Variants in CHST9 observed in about 807,000 individuals in gnomAD.
CHST9 encodes GalNAc-4-sulfotransferase 2.
Under a neutral mutation model 44.4 loss-of-function variants are expected in CHST9, and 41 were observed. The observed-to-expected ratio is 0.92, with a 90% CI of 0.72 to 1.20. The LOEUF (loss-of-function observed/expected upper bound fraction) is 1.20. CHST9 is among the 50% of genes most tolerant of loss of function. The pLI, the probability that CHST9 is intolerant of heterozygous loss-of-function variation, is 0.00. For synonymous variants in CHST9, 171 were observed against 178.4 expected (o/e 0.96, Z 0.33); for missense variants, 504 against 516.5 (o/e 0.98, Z 0.23).
chr18:26,937,166 T>G (rs376256277), intron 5 of CHST9, among the ~76,000 whole-genome samples: 12 of 152,188 alleles, frequency 7.9e-5, no homozygotes, highest in Non-Finnish European at 1.5e-4. Context: ...ATGTATACTT[T>G]TTTCCCCTCT....
intron 2 of CHST9, among the ~76,000 whole-genome samples, chr18:27,110,093 G>T (rs2058257402): frequency 6.6e-6 from 1 of 151,708 alleles, no homozygotes; most frequent in Non-Finnish European, 1.5e-5. Flanking sequence ...TACTATAAAA[G>T]TGTAAAGATT....
At position 27,109,730 on chromosome 18, in the gene CHST9, CA is replaced by C. The variant is rs1343493117; in HGVS notation, c.121+32958del. Among the ~76,000 whole-genome samples the C allele has an allele frequency of 5.9e-5, 9 of 152,288 alleles. No individual in the cohort carries two copies. The South Asian group carries it at 1.0e-3, about 18-fold the overall frequency. On this transcript the variant is annotated intron_variant, in intron 2 of 5. Transcript: ENST00000618847. Reference sequence around the variant, plus strand: ...CATCACTGCTGCTTCATTTGTCTGACAGGGGCTCCTGGTGAATTATAAAATT... The same window carrying C: ...CATCACTGCTGCTTCATTTGTCTGACGGGGCTCCTGGTGAATTATAAAATT...
intron 4 of CHST9, among the ~76,000 whole-genome samples, chr18:26,976,889 C>G (rs1435036084): frequency 6.6e-6 from 1 of 152,080 alleles, no homozygotes; most frequent in Non-Finnish European, 1.5e-5. Context: ...CTTCTTCAGG[C>G]AGTCTTATGC....
intron 2 of CHST9, among the ~76,000 whole-genome samples, chr18:27,133,720 G>C (rs2058491390): frequency 6.6e-6 from 1 of 152,038 alleles, no homozygotes; most frequent in African/African-American, 2.4e-5. Context: ...GCTGCAGAGA[G>C]AGAAAACTTC....
chr18:26,960,218 A>G (rs547069777), intron 4 of CHST9, among the ~76,000 whole-genome samples: 6 of 152,268 alleles, frequency 3.9e-5, no homozygotes, highest in East Asian at 3.9e-4. Context: ...GGGAGAAGAG[A>G]GCGTAGAAGA....
At chr18:27,000,584 C>T (rs1459866589) in intron 4 of CHST9, among the ~76,000 whole-genome samples, 1 of 151,722 alleles carries the variant, frequency 6.6e-6, no homozygotes, top group Non-Finnish European at 1.5e-5. Flanking sequence ...AAGCCTTTTT[C>T]ATTGTACAGC....
rs531262755 is a variant in CHST9 at position 27,051,473 on chromosome 18, C to T, written c.122-2970G>A. On this transcript the variant is annotated intron_variant, in intron 2 of 5. Transcript: ENST00000618847. ...AATATTCCTTTCTTTTGGATCACTC[C>T]CTCTGGGGGATGCCGGATAATATGT... Among the ~76,000 whole-genome samples, 226 of 152,252 alleles carry T rather than the reference C, an allele frequency of 1.5e-3. 1 individual carries two copies. Among genetic ancestry groups the T allele is most frequent in the Middle Eastern group, 3.4e-3 (1 of 294 alleles).
intron 2 of CHST9, among the ~76,000 whole-genome samples, chr18:27,138,032 A>G (rs2081640): frequency 0.43 from 65,026 of 151,798 alleles, 14,230 homozygotes; most frequent in Non-Finnish European, 0.47. Flanking sequence ...TCCTTCTAGC[A>G]CTTCTATCTG....
chr18:26,945,202 AC>A (rs1463109523), intron 4 of CHST9, among the ~76,000 whole-genome samples: 1 of 152,198 alleles, frequency 6.6e-6, no homozygotes, highest in Non-Finnish European at 1.5e-5. Flanking sequence ...TTTTAAAAAA[AC>A]AAACTTTAAT....
At chr18:27,035,725 A>C (rs1039106038) in intron 3 of CHST9, among the ~76,000 whole-genome samples, 2 of 152,150 alleles carry the variant, frequency 1.3e-5, no homozygotes, top group Non-Finnish European at 2.9e-5. Context: ...ACATAATCTC[A>C]ATTATACGTA....
At chr18:27,027,635 C>T (rs142478314) in intron 3 of CHST9, among the ~76,000 whole-genome samples, 14 of 152,240 alleles carry the variant, frequency 9.2e-5, no homozygotes, top group African/African-American at 3.1e-4. Context: ...CTGCTGAGTG[C>T]GTTATGTGAA....
rs914730056 is a variant in CHST9, at chr18:27,147,703, G to A, written c.-96-4798C>T. On this transcript the variant is annotated intron_variant, in intron 1 of 5. Coordinates refer to ENST00000618847, the MANE Select transcript of CHST9 (RefSeq NM_031422.6). ...TTTGCCTCTATCTTTTCCAGGTTCTGGTGAAACGCAACTCCATCAACACCT... is the reference window on the plus strand; with the variant it reads ...TTTGCCTCTATCTTTTCCAGGTTCTAGTGAAACGCAACTCCATCAACACCT... 3 of 152,398 alleles carry A rather than the reference G, an allele frequency of 2.0e-5. No individual in the cohort carries two copies. The South Asian group carries it at 6.2e-4, about 32-fold the overall frequency. 9.4% of individuals were successfully genotyped at this position (152,398 alleles called of 1,614,324 possible).
chr18:27,047,272 T>C (rs75225656), intron 3 of CHST9, among the ~76,000 whole-genome samples: 1,543 of 152,198 alleles, frequency 0.01, 30 homozygotes, highest in African/African-American at 0.036. Context: ...TACAGCATTA[T>C]GGAAATAGCA....
At chr18:26,968,324 A>T (rs1301197953) in intron 4 of CHST9, among the ~76,000 whole-genome samples, 1 of 152,124 alleles carries the variant, frequency 6.6e-6, no homozygotes, top group Non-Finnish European at 1.5e-5. Context: ...AGAGTTTGTT[A>T]TTTCACCCAC....
chr18:26,968,399 C>T (rs2056494976), intron 4 of CHST9, among the ~76,000 whole-genome samples: 1 of 152,010 alleles, frequency 6.6e-6, no homozygotes, highest in African/African-American at 2.4e-5. Context: ...TGTTTTTAAC[C>T]AACGTTTAAA....
At chr18:27,048,357 C>T in intron 3 of CHST9, 108 bp downstream of exon 3, 3 of 831,054 alleles carry the variant, frequency 3.6e-6, no homozygotes, top group Non-Finnish European at 5.8e-6. Context: ...GTTCAAAAAC[C>T]ATAAACTATT....
At chr18:27,130,591 C>T (rs143447056) in intron 2 of CHST9, among the ~76,000 whole-genome samples, 171 of 152,222 alleles carry the variant, frequency 1.1e-3, no homozygotes, top group Non-Finnish European at 1.8e-3. Context: ...TTGGAGAATA[C>T]GCAATTCAGC....
chr18:27,118,502 C>T (rs535083502), intron 2 of CHST9, among the ~76,000 whole-genome samples: 2 of 152,348 alleles, frequency 1.3e-5, no homozygotes, highest in South Asian at 4.1e-4. Context: ...GAGAGTTCAA[C>T]ATCAGGGATT....
chr18:27,051,040 C>A (rs950637830), intron 2 of CHST9, among the ~76,000 whole-genome samples: 3 of 152,100 alleles, frequency 2.0e-5, no homozygotes, highest in Non-Finnish European at 4.4e-5. Flanking sequence ...TGTGTAATCC[C>A]ACTGAATTAG....
Sources: allele counts gnomAD v4.1 joint callset (sites outside exome capture counted in the v4.1 genomes callset), GRCh38; gene constraint gnomAD v4.1.1; transcripts MANE v1.5; gene names NCBI Gene and HGNC (gene_info 2026-07-23, HGNC 2026-07-21).